WDPCP: variants seen among roughly 807,000 people sequenced by gnomAD.
WDPCP encodes the protein WD repeat-containing and planar cell polarity effector protein fritz homolog.
In WDPCP, 71 loss-of-function variants were observed where a neutral mutation model predicts 93.1. The observed-to-expected ratio is 0.76, with a 90% CI of 0.63 to 0.93. The LOEUF (loss-of-function observed/expected upper bound fraction) is 0.93. WDPCP is among the 40% of genes least tolerant of loss of function. The pLI is 0.00. For missense variants in WDPCP, 844 were observed against 887.4 expected (o/e 0.95, Z 0.62); for synonymous variants, 315 against 315.0 (o/e 1.00, Z 0.00).
At chr2:63,388,513 C>T (rs1034852230) in intron 10 of WDPCP, among the ~76,000 whole-genome samples, 1 of 152,154 alleles carries the variant, frequency 6.6e-6, no homozygotes, top group Non-Finnish European at 1.5e-5. Flanking sequence ...CGCAGCTCCT[C>T]GCCAGAAGTG....
At chr2:63,420,068 T>C (rs1267909113) in intron 9 of WDPCP, among the ~76,000 whole-genome samples, 1 of 152,174 alleles carries the variant, frequency 6.6e-6, no homozygotes, top group Non-Finnish European at 1.5e-5. Flanking sequence ...ACTTTATTTT[T>C]ACTTTTTTAA....
At chr2:63,319,252 T>C (rs1475313888) in intron 12 of WDPCP, among the ~76,000 whole-genome samples, 1 of 152,240 alleles carries the variant, frequency 6.6e-6, no homozygotes, top group Non-Finnish European at 1.5e-5. Context: ...TTGTAGGTTT[T>C]ACATTTAAGT....
chr2:63,358,182 G>A (rs1268007110), intron 12 of WDPCP, among the ~76,000 whole-genome samples: 1 of 151,924 alleles, frequency 6.6e-6, no homozygotes, highest in African/African-American at 2.4e-5. Flanking sequence ...CAACCATCAT[G>A]ACACATGTTT....
At chr2:63,513,706 C>G (rs2106108396) in intron 1 of WDPCP, among the ~76,000 whole-genome samples, 1 of 152,316 alleles carries the variant, frequency 6.6e-6, no homozygotes, top group East Asian at 1.9e-4. Flanking sequence ...GAATGCTACA[C>G]AGAGAGGCCA....
intron 2 of WDPCP, among the ~76,000 whole-genome samples, chr2:63,755,596 T>C (rs924103723): frequency 2.0e-5 from 3 of 152,220 alleles, no homozygotes; most frequent in Admixed American, 2.0e-4. Context: ...ACCTACATAA[T>C]GCTTAAATTT....
chr2:63,188,984 T>G (rs1027107122), intron 14 of WDPCP, among the ~76,000 whole-genome samples: 5 of 152,182 alleles, frequency 3.3e-5, no homozygotes, highest in Non-Finnish European at 5.9e-5. Flanking sequence ...TTCTAAGACC[T>G]CTCAGATTTT....
upstream of WDPCP, among the ~76,000 whole-genome samples, chr2:63,830,774 CT>C (rs1271505943): frequency 6.6e-6 from 1 of 152,060 alleles, no homozygotes; most frequent in African/African-American, 2.4e-5. Context: ...CTCAGTTTTC[CT>C]TTTTCTATGT....
At chr2:63,174,917 C>T in intron 14 of WDPCP, 85 bp from the exon 15 acceptor site, 2 of 1,447,696 alleles carry the variant, frequency 1.4e-6, no homozygotes, top group Non-Finnish European at 1.9e-6. Context: ...GAACAACATT[C>T]ACATATCCCA....
intron 1 of WDPCP, among the ~76,000 whole-genome samples, chr2:63,567,773 A>T (rs74384887): frequency 2.0e-5 from 3 of 151,638 alleles, no homozygotes; most frequent in Admixed American, 6.6e-5. Context: ...TCTCTGTTAG[A>T]CTCTGATGTT....
At chr2:63,644,661 T>C (rs1273894005) in intron 3 of WDPCP, among the ~76,000 whole-genome samples, 1 of 152,228 alleles carries the variant, frequency 6.6e-6, no homozygotes, top group Non-Finnish European at 1.5e-5. Context: ...ACTGTGACAC[T>C]TTTTATTATG....
chr2:63,616,528 T>C (rs1008365575), intron 3 of WDPCP, among the ~76,000 whole-genome samples: 1 of 152,176 alleles, frequency 6.6e-6, no homozygotes, highest in African/African-American at 2.4e-5. Flanking sequence ...CTTTTATATA[T>C]CCTTTACTCT....
At chr2:63,629,382 A>C (rs943319014) in intron 3 of WDPCP, among the ~76,000 whole-genome samples, 1 of 152,264 alleles carries the variant, frequency 6.6e-6, no homozygotes, top group Non-Finnish European at 1.5e-5. Context: ...GAGAAGGCCA[A>C]GTAGAATTCT....
chr2:63,799,249 T>C (rs920281670), intron 2 of WDPCP, among the ~76,000 whole-genome samples: 1 of 152,214 alleles, frequency 6.6e-6, no homozygotes, highest in African/African-American at 2.4e-5. Flanking sequence ...GGATCACCAA[T>C]ATCTTGTTAG....
chr2:63,426,948 C>G (rs1200567805), intron 9 of WDPCP, among the ~76,000 whole-genome samples: 1 of 152,096 alleles, frequency 6.6e-6, no homozygotes, highest in East Asian at 1.9e-4. Flanking sequence ...ATTCTTACAT[C>G]AGATAAAACA....
At chr2:63,193,321 T>C (rs575584338) in intron 14 of WDPCP, among the ~76,000 whole-genome samples, 13 of 152,332 alleles carry the variant, frequency 8.5e-5, no homozygotes, top group South Asian at 4.1e-4. Flanking sequence ...TGAATCTCTA[T>C]TGAACTCAGT....
At chr2:63,723,731 TTA>T (rs2103801519) in intron 2 of WDPCP, among the ~76,000 whole-genome samples, 1 of 152,344 alleles carries the variant, frequency 6.6e-6, no homozygotes, top group East Asian at 1.9e-4. Flanking sequence ...CACTGAGATC[TTA>T]GCACATCTCC....
intron 2 of WDPCP, among the ~76,000 whole-genome samples, chr2:63,666,836 C>T (rs777480164): frequency 6.6e-6 from 1 of 152,166 alleles, no homozygotes; most frequent in Non-Finnish European, 1.5e-5. Flanking sequence ...ATTCCACAGA[C>T]ATTCATTGCT....
intron 14 of WDPCP, among the ~76,000 whole-genome samples, chr2:63,202,539 T>G (rs1675996856): frequency 6.6e-6 from 1 of 152,172 alleles, no homozygotes; most frequent in African/African-American, 2.4e-5. Flanking sequence ...GTGATTTTTC[T>G]TAAATTGAGA....
intron 5 of WDPCP, 88 bp downstream of exon 5, chr2:63,484,829 G>A (rs1668381316): frequency 1.3e-6 from 2 of 1,517,212 alleles, no homozygotes; most frequent in Non-Finnish European, 1.8e-6. Context: ...CACCATGAGA[G>A]TTGATCCTTT....
Sources: gnomAD v4.1 joint callset for allele counts (sites outside exome capture counted in the v4.1 genomes callset) on GRCh38, gnomAD v4.1.1 for gene constraint, MANE v1.5 for transcripts, NCBI Gene and HGNC (gene_info 2026-07-23, HGNC 2026-07-21) for gene names.